Variants in MGAT4C observed in about 807,000 individuals in gnomAD.
MGAT4C encodes alpha-1,3-mannosyl-glycoprotein 4-beta-N-acetylglucosaminyltransferase C.
MGAT4C carries 19 observed loss-of-function variants against 40.1 expected under a neutral mutation model. That is an observed-to-expected ratio of 0.47 (90% CI 0.33 to 0.70). The LOEUF is 0.70. MGAT4C is among the 30% of genes least tolerant of loss of function. The probability of loss-of-function intolerance (pLI) is 0.02; values close to 1 mark genes in which losing one functional copy is unlikely to be tolerated. For synonymous variants in MGAT4C, 181 were observed against 187.1 expected (o/e 0.97, Z 0.27); for missense variants, 491 against 563.2 (o/e 0.87, Z 1.30).
chr12:86,302,397 TTTGGTTGG>T lies in MGAT4C; in HGVS notation c.-57+31660_-57+31667del, dbSNP rs71076182. Among the ~76,000 whole-genome samples, 31 of 132,592 alleles carry T rather than the reference TTTGGTTGG, an allele frequency of 2.3e-4. 2 individuals are homozygous for T. The highest frequency in any genetic ancestry group is 6.3e-4 in the Admixed American group (9 of 14,348). 87.0% of individuals were successfully genotyped at this position (132,592 alleles called of 152,430 possible). ...TAGGCAGTTGCAGGGTTTTTGTTTGTTTGGTTGGTTGGTTGGTTGGTTGGTTGGGTTTG... is the reference window on the plus strand; with the variant it reads ...TAGGCAGTTGCAGGGTTTTTGTTTGTTTGGTTGGTTGGTTGGTTGGGTTTG... On this transcript the variant is annotated intron_variant, in intron 4 of 7. Coordinates refer to the MGAT4C transcript ENST00000548651.
chr12:86,785,957 T>C (rs1423393914), intron 1 of MGAT4C, among the ~76,000 whole-genome samples: 1 of 152,042 alleles, frequency 6.6e-6, no homozygotes, highest in Non-Finnish European at 1.5e-5. Flanking sequence ...TCATTCTTCT[T>C]GGGTCGTTAA....
At chr12:86,089,521 C>T (rs1339629154) in intron 1 of MGAT4C, among the ~76,000 whole-genome samples, 1 of 151,768 alleles carries the variant, frequency 6.6e-6, no homozygotes, top group Admixed American at 6.6e-5. Context: ...CTCAGGAAAA[C>T]ATCTTAAAAT....
At position 86,632,782 on chromosome 12, in the gene MGAT4C, A is replaced by G. The variant is rs555169858; in HGVS notation, c.-229+94427T>C. Among the ~76,000 whole-genome samples, 44 of 152,072 alleles carry G rather than the reference A, an allele frequency of 2.9e-4. No homozygotes were observed. The East Asian group carries it at 6.2e-3, about 22-fold the overall frequency. On this transcript the variant is annotated intron_variant, in intron 2 of 7. Coordinates refer to the MGAT4C transcript ENST00000548651. ...TGGGGTGGGGGGATGGGGGAGGGAT[A>G]ACATTAGGAGAAATACCTAATGTAA...
intron 2 of MGAT4C, among the ~76,000 whole-genome samples, chr12:86,519,990 T>C (rs1212464744): frequency 6.6e-6 from 1 of 152,186 alleles, no homozygotes; most frequent in Non-Finnish European, 1.5e-5. Flanking sequence ...TGTCCTGGGA[T>C]TTTCCCCCAA....
chr12:86,049,248 C>T (rs1282546409), intron 2 of MGAT4C, among the ~76,000 whole-genome samples: 1 of 151,766 alleles, frequency 6.6e-6, no homozygotes, highest in East Asian at 1.9e-4. Flanking sequence ...TTCTAATGTT[C>T]TTGTATTTTA....
In MGAT4C at chr12:86,764,293, C is replaced by T. The variant is rs549058852; in HGVS notation, c.-261-37052G>A. On this transcript the variant is annotated intron_variant, in intron 1 of 7. Coordinates refer to the MGAT4C transcript ENST00000548651. ...AGCAGTCTGAGATCAAACTGCAAGGCGGCAGCGAGGCTGGGGGAGGGGTGC... is the reference window on the plus strand; with the variant it reads ...AGCAGTCTGAGATCAAACTGCAAGGTGGCAGCGAGGCTGGGGGAGGGGTGC... 2.9e-3 allele frequency among the ~76,000 whole-genome samples: 439 copies of T among 152,180 alleles called. 3 individuals carry two copies. Among genetic ancestry groups the T allele is most frequent in the African/African-American group, 0.01 (416 of 41,532 alleles).
intron 2 of MGAT4C, among the ~76,000 whole-genome samples, chr12:86,503,251 CATATATATATATATATGAGTTCTGCTCAT>C (rs1958397710): frequency 2.9e-4 from 2 of 6,830 alleles, no homozygotes; most frequent in Non-Finnish European, 4.7e-4. Flanking sequence ...GAGTTCTGCT[CATATATATATATATATGAGTTCTGCTCAT>C]ATATATATAT....
At chr12:86,183,474 C>T (rs934592394) in intron 1 of MGAT4C, among the ~76,000 whole-genome samples, 8 of 152,114 alleles carry the variant, frequency 5.3e-5, no homozygotes, top group African/African-American at 1.9e-4. Context: ...TAGTTTATTT[C>T]CAGTATCCAG....
chr12:86,200,987 A>T (rs1404325948), intron 1 of MGAT4C, among the ~76,000 whole-genome samples: 2 of 152,158 alleles, frequency 1.3e-5, no homozygotes, highest in Non-Finnish European at 2.9e-5. Flanking sequence ...CCAGAAACCA[A>T]TTGTGGTGGC....
At chr12:86,786,032 C>T (rs779803628) in intron 1 of MGAT4C, among the ~76,000 whole-genome samples, 9 of 151,944 alleles carry the variant, frequency 5.9e-5, no homozygotes, top group Non-Finnish European at 7.4e-5. Context: ...TATAATTCCC[C>T]GTTACAGCAA....
chr12:86,001,553 C>T (rs1482369451), intron 2 of MGAT4C: 3 of 842,688 alleles, frequency 3.6e-6, no homozygotes, highest in Admixed American at 6.2e-5. Flanking sequence ...GTGATTTCGA[C>T]TCCTGAGCCA....
intron 2 of MGAT4C, among the ~76,000 whole-genome samples, chr12:86,631,066 C>A (rs894193263): frequency 1.3e-5 from 2 of 152,112 alleles, no homozygotes; most frequent in African/African-American, 4.8e-5. Flanking sequence ...TCTCAGGATA[C>A]AAAATCAATG....
chr12:86,817,113 T>A (rs906865165), intron 1 of MGAT4C, among the ~76,000 whole-genome samples: 9 of 150,880 alleles, frequency 6.0e-5, no homozygotes, highest in African/African-American at 2.2e-4. Context: ...ATTCTTATTT[T>A]CAAACATTCT....
At chr12:86,772,547 T>A (rs991026601) in intron 1 of MGAT4C, among the ~76,000 whole-genome samples, 3 of 152,032 alleles carry the variant, frequency 2.0e-5, no homozygotes, top group Non-Finnish European at 4.4e-5. Context: ...TCCTCTAAAG[T>A]TTCAAAGGAA....
At chr12:86,022,984 C>G (rs1038499406) in intron 2 of MGAT4C, among the ~76,000 whole-genome samples, 3 of 152,052 alleles carry the variant, frequency 2.0e-5, no homozygotes, top group Admixed American at 2.0e-4. Context: ...AACAAAGTGA[C>G]ATACAGAGTG....
intron 2 of MGAT4C, among the ~76,000 whole-genome samples, chr12:86,488,252 CA>C (rs760174330): frequency 0.02 from 1,874 of 93,872 alleles, 21 homozygotes; most frequent in East Asian, 0.051. Flanking sequence ...TTGTTTTCTA[CA>C]AAAAAAAAAA....
chr12:86,227,063 C>T (rs980048448), intron 1 of MGAT4C, among the ~76,000 whole-genome samples: 2 of 151,868 alleles, frequency 1.3e-5, no homozygotes, highest in Admixed American at 1.3e-4. Flanking sequence ...TGCATCCAGG[C>T]TGACATATCC....
In MGAT4C at chr12:86,706,964, C is replaced by T. The variant is rs114827277; in HGVS notation, c.-229+20245G>A. On this transcript the variant is annotated intron_variant, in intron 2 of 7. Coordinates refer to the MGAT4C transcript ENST00000548651. ...CATGGTTTTATAAGAGGAAGTTTCCCTGCACAAGCTATCTCTCTTTGCCTG... is the reference window on the plus strand; with the variant it reads ...CATGGTTTTATAAGAGGAAGTTTCCTTGCACAAGCTATCTCTCTTTGCCTG... Among the ~76,000 whole-genome samples the T allele has an allele frequency of 1.6e-3, 239 of 152,260 alleles. 1 individual carries two copies. The highest frequency in any genetic ancestry group is 5.5e-3 in the African/African-American group (230 of 41,548).
intron 2 of MGAT4C, among the ~76,000 whole-genome samples, chr12:86,609,599 T>G (rs1962172939): frequency 6.6e-6 from 1 of 152,130 alleles, no homozygotes; most frequent in South Asian, 2.1e-4. Context: ...TTACTGATCT[T>G]GGTACTTGGG....
Sources: gnomAD v4.1 joint callset for allele counts (sites outside exome capture counted in the v4.1 genomes callset) on GRCh38, gnomAD v4.1.1 for gene constraint, MANE v1.5 for transcripts, NCBI Gene and HGNC (gene_info 2026-07-23, HGNC 2026-07-21) for gene names.